The following RBPMS variants were observed in gnomAD, a reference collection of about 807,000 sequenced individuals.
RBPMS encodes RNA binding protein, mRNA processing factor.
In RBPMS, 7 loss-of-function variants were observed where a neutral mutation model predicts 26.8. The observed-to-expected ratio is 0.26, with a 90% CI of 0.15 to 0.49. The LOEUF (loss-of-function observed/expected upper bound fraction) is 0.49, where lower values mean the gene tolerates loss of function less well. Among genes scored for constraint, RBPMS ranks in the 20% least tolerant of loss-of-function variants. The pLI is 0.98. For synonymous variants in RBPMS, 96 were observed against 93.3 expected, an observed-to-expected ratio of 1.03 and a Z score of -0.17; for missense variants, 186 against 250.0, an observed-to-expected ratio of 0.74 and a Z score of 1.73.
At chr8:30,498,950 T>C (rs1820270189) in intron 4 of RBPMS, among the ~76,000 whole-genome samples, 1 of 152,138 alleles carries the variant, frequency 6.6e-6, no homozygotes. Context: ...TAGATCTGAA[T>C]GTTAGGGCAT....
In RBPMS at chr8:30,384,941, C is replaced by CCGGGAAGATGAACAACGGCGGCAA. The variant is rs1246721956; in HGVS notation, c.-152_-151insCGGGAAGATGAACAACGGCGGCAA. 2.3e-6 allele frequency: 1 copy of CCGGGAAGATGAACAACGGCGGCAA among 444,366 alleles called. No individual in the cohort carries two copies. The highest frequency in any genetic ancestry group is 4.7e-5 in the Admixed American group (1 of 21,452). 27.5% of individuals were successfully genotyped at this position (444,366 alleles called of 1,614,324 possible). A position where few individuals can be genotyped will look rare whatever the true frequency, so the allele number is the denominator to read the frequency against. On this transcript the variant is annotated 5_prime_UTR_variant, in exon 1 of 9. In the 5' UTR this introduces an upstream ATG that the reference lacks. Coordinates refer to ENST00000397323, the MANE Select transcript of RBPMS (RefSeq NM_001008710.3). This position sits in a 1 kb window ranked among gnomAD's most constrained non-coding sequence, Gnocchi z 5.6. ...GAGCCCCAGCCCAACCCGAGCCCGACAGCCACTGCCCCGGCTCCAGCTCCA... is the reference window on the plus strand; with the variant it reads ...GAGCCCCAGCCCAACCCGAGCCCGACCGGGAAGATGAACAACGGCGGCAAAGCCACTGCCCCGGCTCCAGCTCCA...
intron 1 of RBPMS, among the ~76,000 whole-genome samples, chr8:30,425,246 T>G (rs1811223693): frequency 6.6e-6 from 1 of 152,098 alleles, no homozygotes; most frequent in African/African-American, 2.4e-5. Flanking sequence ...TAGGCATTTA[T>G]TCCATTATTA....
intron 5 of RBPMS, among the ~76,000 whole-genome samples, chr8:30,525,618 G>GT (rs1433889611): frequency 6.6e-6 from 1 of 152,164 alleles, no homozygotes; most frequent in African/African-American, 2.4e-5. Flanking sequence ...TTTTTTTGCA[G>GT]TTTCTGCAAG....
At chr8:30,547,605 T>C (rs1825975816) in intron 6 of RBPMS, 4 of 835,414 alleles carry the variant, frequency 4.8e-6, no homozygotes, top group South Asian at 2.2e-5. Context: ...TTGGGAGAAT[T>C]GGGCCTGTGA....
At chr8:30,505,214 T>A (rs1262437689) in intron 5 of RBPMS, among the ~76,000 whole-genome samples, 1 of 152,198 alleles carries the variant, frequency 6.6e-6, no homozygotes, top group Non-Finnish European at 1.5e-5. Flanking sequence ...ATATGTGATT[T>A]AATATGGCAG....
At chr8:30,531,140 TA>T (rs201529137) in intron 5 of RBPMS, among the ~76,000 whole-genome samples, 3 of 149,430 alleles carry the variant, frequency 2.0e-5, no homozygotes, top group African/African-American at 4.9e-5. Flanking sequence ...GTCCCCTAAT[TA>T]AAAAAAAAAC....
intron 1 of RBPMS, among the ~76,000 whole-genome samples, chr8:30,464,849 TGGTGATCA>T (rs1816325055): frequency 1.3e-5 from 2 of 152,322 alleles, no homozygotes; most frequent in African/African-American, 4.8e-5. Flanking sequence ...GTCTTTATTG[TGGTGATCA>T]TTTTGACATT....
At chr8:30,460,657 G>A (rs1038786428) in intron 1 of RBPMS, among the ~76,000 whole-genome samples, 3 of 152,080 alleles carry the variant, frequency 2.0e-5, no homozygotes, top group African/African-American at 7.2e-5. Context: ...TTATACTACC[G>A]TAAAAAGTAG....
intron 1 of RBPMS, among the ~76,000 whole-genome samples, chr8:30,414,177 G>C (rs1458745920): frequency 6.6e-6 from 1 of 151,652 alleles, no homozygotes; most frequent in Non-Finnish European, 1.5e-5. Flanking sequence ...GTCTATGCTG[G>C]CTCAGTGGCT....
chr8:30,543,081 A>G (rs1036195961), intron 5 of RBPMS, among the ~76,000 whole-genome samples: 9 of 152,116 alleles, frequency 5.9e-5, no homozygotes, highest in Non-Finnish European at 1.3e-4. Context: ...AGGAGAAGGG[A>G]GTCAGGAAGG....
chr8:30,483,466 T>A (rs1161649206), intron 4 of RBPMS, among the ~76,000 whole-genome samples: 1 of 152,164 alleles, frequency 6.6e-6, no homozygotes, highest in East Asian at 1.9e-4. Context: ...AAGTGATCTC[T>A]AATTATCAGT....
chr8:30,567,971 A>G (rs1413262503), intron 8 of RBPMS, among the ~76,000 whole-genome samples: 1 of 152,078 alleles, frequency 6.6e-6, no homozygotes, highest in African/African-American at 2.4e-5. Flanking sequence ...TGCTTATGTG[A>G]CCTACCCTTG....
intron 1 of RBPMS, among the ~76,000 whole-genome samples, chr8:30,474,310 A>G (rs1181027070): frequency 6.6e-6 from 1 of 152,144 alleles, no homozygotes; most frequent in African/African-American, 2.4e-5. Flanking sequence ...TTTTTATATT[A>G]TTTTTGAAGC....
chr8:30,486,694 A>G (rs1305907080), intron 4 of RBPMS, among the ~76,000 whole-genome samples: 1 of 152,200 alleles, frequency 6.6e-6, no homozygotes, highest in African/African-American at 2.4e-5. Flanking sequence ...GTAGTCGGAA[A>G]TTTTAGTAGC....
intron 1 of RBPMS, among the ~76,000 whole-genome samples, chr8:30,391,180 T>G (rs1807751933): frequency 6.6e-6 from 1 of 152,240 alleles, no homozygotes. Flanking sequence ...GTCCATCAGA[T>G]AGCCACTGTC....
intron 6 of RBPMS, chr8:30,549,459 T>G: frequency 6.6e-6 from 10 of 1,519,876 alleles, no homozygotes; most frequent in East Asian, 2.3e-5. Context: ...TAAATGAAAT[T>G]GTTAATCCTC....
At chr8:30,512,700 A>G (rs1821847595) in intron 5 of RBPMS, among the ~76,000 whole-genome samples, 2 of 152,158 alleles carry the variant, frequency 1.3e-5, no homozygotes, top group South Asian at 2.1e-4. Flanking sequence ...AGGCCTCCCA[A>G]AGTGCTGAGA....
rs752657440 is a variant in RBPMS at position 30,549,452 on chromosome 8, A to G, written c.528+4828A>G. 9.4e-6 allele frequency: 14 copies of G among 1,491,946 alleles called. No homozygotes were observed. In the Admixed American group the frequency reaches 2.3e-4, roughly 25 times the overall value. 92.4% of individuals were successfully genotyped at this position (1,491,946 alleles called of 1,614,324 possible). A position where few individuals can be genotyped will look rare whatever the true frequency, so the allele number is the denominator to read the frequency against. ...GGCCTTCCATTGTTTTCAGACATAA[A>G]TGAAATTGTTAATCCTCTGACATTT... On this transcript the variant is annotated intron_variant, in intron 6 of 8. Transcript: ENST00000397323.
At chr8:30,509,144 T>C (rs545522939) in intron 5 of RBPMS, among the ~76,000 whole-genome samples, 1 of 152,224 alleles carries the variant, frequency 6.6e-6, no homozygotes, top group Non-Finnish European at 1.5e-5. Flanking sequence ...TTGGGTAGTT[T>C]TGATGCACAG....
Sources: allele counts gnomAD v4.1 joint callset (sites outside exome capture counted in the v4.1 genomes callset), GRCh38; gene constraint gnomAD v4.1.1; non-coding constraint Gnocchi (gnomAD v3.1); transcripts MANE v1.5; gene names NCBI Gene and HGNC (gene_info 2026-07-23, HGNC 2026-07-21).